NCAM2: variants seen among roughly 807,000 people sequenced by gnomAD.
NCAM2 encodes N-CAM-2.
A neutral mutation model predicts 98.1 loss-of-function variants in NCAM2; 30 were observed. The ratio of observed to expected loss-of-function variants is 0.31; its 90% CI spans 0.23 to 0.41. NCAM2 has a LOEUF of 0.41. Among genes scored for constraint, NCAM2 ranks in the 10% least tolerant of loss-of-function variants. NCAM2 has a pLI of 1.00. For synonymous variants in NCAM2, 368 were observed against 342.4 expected (o/e 1.07, Z -0.83); for missense variants, 867 against 1,005.8 (o/e 0.86, Z 1.87).
At chr21:21,294,547 A>T (rs2073407342) in intron 5 of NCAM2, among the ~76,000 whole-genome samples, 1 of 151,820 alleles carries the variant, frequency 6.6e-6, no homozygotes, top group South Asian at 2.1e-4. Context: ...ATTGATAATT[A>T]GTCTCATTTT....
chr21:21,189,000 G>A (rs2068730127), intron 1 of NCAM2, among the ~76,000 whole-genome samples: 1 of 152,102 alleles, frequency 6.6e-6, no homozygotes, highest in East Asian at 1.9e-4. Context: ...AAACTTATGA[G>A]AACCCTCCAG....
chr21:21,395,815 G>C (rs1451297002), intron 9 of NCAM2, among the ~76,000 whole-genome samples: 1 of 152,146 alleles, frequency 6.6e-6, no homozygotes, highest in Admixed American at 6.5e-5. Flanking sequence ...GCCACAAGTA[G>C]AAGAATGAGA....
At chr21:21,355,888 C>T (rs530454779) in intron 8 of NCAM2, among the ~76,000 whole-genome samples, 9 of 152,182 alleles carry the variant, frequency 5.9e-5, no homozygotes, top group African/African-American at 2.2e-4. Flanking sequence ...GGATCACAGG[C>T]GTGAACCACT....
At chr21:21,003,928 C>T (rs958182502) in intron 1 of NCAM2, among the ~76,000 whole-genome samples, 1 of 152,092 alleles carries the variant, frequency 6.6e-6, no homozygotes, top group Non-Finnish European at 1.5e-5. Context: ...AATTTGCCAG[C>T]AGATGGCAGT....
At chr21:21,326,113 G>A (rs530943408) in intron 6 of NCAM2, among the ~76,000 whole-genome samples, 1 of 152,262 alleles carries the variant, frequency 6.6e-6, no homozygotes, top group Non-Finnish European at 1.5e-5. Flanking sequence ...TTTATCCTGT[G>A]AATTCGTCCT....
intron 16 of NCAM2, among the ~76,000 whole-genome samples, chr21:21,523,216 TG>T (rs1989131494): frequency 6.6e-6 from 1 of 152,174 alleles, no homozygotes; most frequent in Admixed American, 6.5e-5. Context: ...GTCCATTTTT[TG>T]TTTTGGTTGC....
intron 9 of NCAM2, among the ~76,000 whole-genome samples, chr21:21,399,487 A>G (rs910409140): frequency 6.6e-6 from 1 of 152,236 alleles, no homozygotes; most frequent in African/African-American, 2.4e-5. Flanking sequence ...TTTGAAGAGT[A>G]TGTAGGACAT....
intron 12 of NCAM2, among the ~76,000 whole-genome samples, chr21:21,466,250 C>A (rs551359702): frequency 6.6e-6 from 1 of 151,946 alleles, no homozygotes; most frequent in Non-Finnish European, 1.5e-5. Context: ...TAGAGTACTT[C>A]TACTTGAGAC....
At chr21:21,293,107 C>A (rs1356672995) in intron 5 of NCAM2, among the ~76,000 whole-genome samples, 5 of 151,832 alleles carry the variant, frequency 3.3e-5, no homozygotes. Context: ...CCTGGGATAC[C>A]TGGGAATTAT....
chr21:21,068,683 C>T (rs1358597152), intron 1 of NCAM2, among the ~76,000 whole-genome samples: 1 of 152,090 alleles, frequency 6.6e-6, no homozygotes, highest in Non-Finnish European at 1.5e-5. Flanking sequence ...TGGTCTCGAA[C>T]TCTTGACCTT....
chr21:21,231,773 T>A (rs2070637017), intron 1 of NCAM2, among the ~76,000 whole-genome samples: 1 of 151,376 alleles, frequency 6.6e-6, no homozygotes, highest in Non-Finnish European at 1.5e-5. Context: ...CCTTAATGTG[T>A]CATTTTCTCA....
intron 15 of NCAM2, among the ~76,000 whole-genome samples, chr21:21,506,965 T>C (rs1988018381): frequency 6.6e-6 from 1 of 152,110 alleles, no homozygotes; most frequent in African/African-American, 2.4e-5. Context: ...GATGACATTG[T>C]AGAAGTATAT....
intron 6 of NCAM2, among the ~76,000 whole-genome samples, chr21:21,325,775 T>C (rs9976591): frequency 0.046 from 7,004 of 152,228 alleles, 293 homozygotes; most frequent in East Asian, 0.19. Flanking sequence ...TGAACAGCAT[T>C]TATTTAACAG....
intron 1 of NCAM2, among the ~76,000 whole-genome samples, chr21:21,247,033 ATT>A (rs66530682): frequency 3.3e-5 from 5 of 151,132 alleles, no homozygotes; most frequent in Non-Finnish European, 7.4e-5. Context: ...TTTAAAAAAA[ATT>A]TAGACTAGGC....
intron 11 of NCAM2, among the ~76,000 whole-genome samples, chr21:21,421,049 T>C (rs2077100443): frequency 1.3e-5 from 2 of 151,806 alleles, no homozygotes; most frequent in Admixed American, 1.3e-4. Flanking sequence ...TATAATGTTA[T>C]TAATATTGAT....
rs1246690611 is a variant in NCAM2 at position 21,540,311 on chromosome 21, T to G, written c.*2354T>G. ...TATATATACATATATATATATGATGTTAAATTTCCTGCCACTCATGTGGAG... is the reference window on the plus strand; with the variant it reads ...TATATATACATATATATATATGATGGTAAATTTCCTGCCACTCATGTGGAG... On this transcript the variant is annotated 3_prime_UTR_variant, in exon 18 of 18. Coordinates refer to ENST00000400546, the MANE Select transcript of NCAM2 (RefSeq NM_004540.5). The G allele has an allele frequency of 2.0e-5, 3 of 150,136 alleles. No homozygotes were observed. The highest frequency in any genetic ancestry group is 7.3e-5 in the African/African-American group (3 of 40,936). 9.3% of individuals were successfully genotyped at this position (150,136 alleles called of 1,614,324 possible).
chr21:21,205,542 A>G (rs1327819669), intron 1 of NCAM2, among the ~76,000 whole-genome samples: 1 of 151,990 alleles, frequency 6.6e-6, no homozygotes, highest in East Asian at 1.9e-4. Flanking sequence ...ACTTTTTTTC[A>G]TTTAAAATGG....
intron 1 of NCAM2, among the ~76,000 whole-genome samples, chr21:21,160,677 A>G (rs140662532): frequency 6.6e-6 from 1 of 152,128 alleles, no homozygotes; most frequent in Non-Finnish European, 1.5e-5. Context: ...ATTCTATGCT[A>G]TAGTGTTGTG....
intron 1 of NCAM2, among the ~76,000 whole-genome samples, chr21:21,222,899 A>G (rs1050469814): frequency 1.3e-5 from 2 of 152,190 alleles, no homozygotes; most frequent in African/African-American, 4.8e-5. Flanking sequence ...CAAAGAGGCA[A>G]TGGGTGCACC....
Sources: gnomAD v4.1 joint callset for allele counts (sites outside exome capture counted in the v4.1 genomes callset) on GRCh38, gnomAD v4.1.1 for gene constraint, MANE v1.5 for transcripts, NCBI Gene and HGNC (gene_info 2026-07-23, HGNC 2026-07-21) for gene names.